The following PPIL4 variants were observed in gnomAD, a reference collection of about 807,000 sequenced individuals.
PPIL4 encodes the protein peptidylprolyl isomerase like 4, also known as peptidyl-prolyl cis-trans isomerase-like 4.
PPIL4 carries 50 observed loss-of-function variants against 69.1 expected under a neutral mutation model. The observed-to-expected ratio is 0.72, with a 90% CI of 0.58 to 0.92. The LOEUF (loss-of-function observed/expected upper bound fraction) is 0.92, where lower values mean the gene tolerates loss of function less well. PPIL4 is among the 40% of genes least tolerant of loss of function. PPIL4 has a pLI of 0.00. For synonymous variants in PPIL4, 193 were observed against 191.6 expected (o/e 1.01, Z -0.06); for missense variants, 480 against 587.9 (o/e 0.82, Z 1.90).
At position 149,505,695 on chromosome 6, in the gene PPIL4, T is replaced by C. The variant is rs1442396700; in HGVS notation, c.1237A>G (p.Arg413Gly). The C allele has an allele frequency of 3.7e-6, 6 of 1,612,572 alleles. No homozygotes were observed. The highest frequency in any genetic ancestry group is 5.1e-6 in the Non-Finnish European group (6 of 1,179,070). The change falls in exon 13 of 13, where the codon AGA (arginine) becomes GGA (glycine). Residue 413 changes from arginine to glycine, a missense_variant. Transcript: ENST00000253329. ...PIKNTNQDIYREMGFGHYEEE... is the reference protein window; with the variant it reads ...PIKNTNQDIYGEMGFGHYEEE... ...TCATAGTGACCAAACCCCATTTCTC[T>C]ATAGATATCCTGTCAAAGGAAGGGG...
Position 149,534,808 on chromosome 6 carries a change from T to C in PPIL4, c.465-34A>G, listed in dbSNP as rs536981821. 1.4e-5 allele frequency: 17 copies of C among 1,194,050 alleles called. No individual in the cohort carries two copies. The Middle Eastern group carries it at 1.4e-3, about 99-fold the overall frequency. 74.0% of individuals were successfully genotyped at this position (1,194,050 alleles called of 1,614,324 possible). ...ATAAATCCAAATCAAATGTTATACA[T>C]TGAAGTTATTTCAGAATCCTATTTT... On this transcript the variant is annotated intron_variant, in intron 5 of 12. Coordinates refer to ENST00000253329, the MANE Select transcript of PPIL4 (RefSeq NM_139126.4).
In PPIL4 at chr6:149,505,483, G is replaced by C; in HGVS notation, c.1449C>G (p.Ser483=). 6.2e-7 allele frequency: 1 copy of C among 1,612,472 alleles called. No homozygotes were observed. The highest frequency in any genetic ancestry group is 8.5e-7 in the Non-Finnish European group (1 of 1,179,548). Reference sequence around the variant, plus strand: ...TATACTTAGATTTTTCTTTATCTTTGGACTTCTTTGGACTTCTGCTTCGGT... The same window carrying C: ...TATACTTAGATTTTTCTTTATCTTTCGACTTCTTTGGACTTCTGCTTCGGT... ...KRDRSRSPKK[S]KDKEKSKYR Residue 483 remains serine, a synonymous_variant, in exon 13 of 13, where the codon TCC becomes TCG. Transcript: ENST00000253329.
chr6:149,539,770 C>A (rs1777332927), intron 4 of PPIL4, among the ~76,000 whole-genome samples: 1 of 152,158 alleles, frequency 6.6e-6, no homozygotes, highest in African/African-American at 2.4e-5. Flanking sequence ...CAAGGCAAGA[C>A]CCTTCACCAG....
At chr6:149,526,401 C>A (rs1409069245) in intron 8 of PPIL4, among the ~76,000 whole-genome samples, 1 of 152,110 alleles carries the variant, frequency 6.6e-6, no homozygotes, top group Non-Finnish European at 1.5e-5. Flanking sequence ...CCATTCATTT[C>A]CTGTTTTAGG....
chr6:149,536,255 C>T (rs147534672), intron 4 of PPIL4, among the ~76,000 whole-genome samples: 9 of 152,196 alleles, frequency 5.9e-5, no homozygotes, highest in African/African-American at 1.9e-4. Context: ...CCCTATTCCC[C>T]GAGACACAAT....
intron 10 of PPIL4, 42 bp downstream of exon 10, chr6:149,521,018 A>G (rs1259972365): frequency 3.4e-6 from 4 of 1,187,432 alleles, no homozygotes; most frequent in East Asian, 2.3e-5. Context: ...ATCTCAAAAA[A>G]AAAAAAAAAG....
chr6:149,535,818 A>G, intron 4 of PPIL4, 80 bp from the exon 5 acceptor site: 3 of 987,596 alleles, frequency 3.0e-6, no homozygotes, highest in Non-Finnish European at 4.4e-6. Context: ...TGACAAAAAA[A>G]TACATGAAAG....
chr6:149,534,747 A>C lies in PPIL4; in HGVS notation c.492T>G (p.Asp164Glu). ...ATAAATCAGGAGGGTCATCAAATGG[A>C]TCATCTAAAATCACCGTATGATTTA... The part of the protein sequence containing the change: ...IRINHTVILD[D>E]PFDDPPDLLI... Residue 164 changes from aspartate (D) to glutamate (E), a missense_variant, in exon 6 of 13, where the codon GAT becomes GAG. Asp to Glu is a conservative substitution (Grantham distance 45). Transcript: ENST00000253329. 6.3e-7 allele frequency: 1 copy of C among 1,583,414 alleles called. No individual in the cohort carries two copies. Among genetic ancestry groups the C allele is most frequent in the South Asian group, 1.1e-5 (1 of 88,898 alleles).
intron 11 of PPIL4, among the ~76,000 whole-genome samples, chr6:149,515,456 G>T (rs910970139): frequency 6.6e-6 from 1 of 151,960 alleles, no homozygotes; most frequent in Non-Finnish European, 1.5e-5. Flanking sequence ...CAGTGTTGAG[G>T]GTATTCTCTA....
At chr6:149,539,216 G>A (rs997555434) in intron 4 of PPIL4, among the ~76,000 whole-genome samples, 2 of 152,162 alleles carry the variant, frequency 1.3e-5, no homozygotes, top group Non-Finnish European at 2.9e-5. Flanking sequence ...GACAACAAAA[G>A]GTTTAGGATA....
intron 7 of PPIL4, among the ~76,000 whole-genome samples, chr6:149,532,407 T>C (rs1222314347): frequency 1.3e-5 from 2 of 152,222 alleles, no homozygotes; most frequent in Non-Finnish European, 2.9e-5. Context: ...TTATTCTTTC[T>C]GCCCAATTGT....
intron 10 of PPIL4, among the ~76,000 whole-genome samples, chr6:149,518,367 C>A (rs992332675): frequency 6.6e-6 from 1 of 152,128 alleles, no homozygotes; most frequent in African/African-American, 2.4e-5. Flanking sequence ...CTGTTGACTG[C>A]CCTGCCTTTC....
chr6:149,535,194 A>C (rs1370431401), intron 5 of PPIL4, among the ~76,000 whole-genome samples: 1 of 152,120 alleles, frequency 6.6e-6, no homozygotes, highest in African/African-American at 2.4e-5. Context: ...GTCTCTACTA[A>C]AAATACAAAA....
intron 10 of PPIL4, 32 bp downstream of exon 10, chr6:149,521,026 AAG>A: frequency 3.3e-6 from 4 of 1,227,862 alleles, no homozygotes; most frequent in Non-Finnish European, 3.5e-6. Flanking sequence ...AAAAAAAAAA[AAG>A]CAGAACAAAA....
In PPIL4 at chr6:149,541,078, T is replaced by A. The variant is rs748525606; in HGVS notation, c.204-19A>T. The A allele has an allele frequency of 3.4e-5, 48 of 1,414,870 alleles. No homozygotes were observed. The highest frequency in any genetic ancestry group is 4.3e-5 in the Non-Finnish European group (43 of 1,002,736). 87.6% of individuals were successfully genotyped at this position (1,414,870 alleles called of 1,614,324 possible). ...CAGTTGGCTGAAAAAACATATAAGG[T>A]TATAAATGTAAGTACTCTCAAAATG... On this transcript the variant is annotated intron_variant, in intron 3 of 12. Transcript: ENST00000253329.
intron 4 of PPIL4, among the ~76,000 whole-genome samples, chr6:149,537,039 T>C (rs1338195775): frequency 2.0e-5 from 3 of 151,720 alleles, no homozygotes; most frequent in Non-Finnish European, 4.4e-5. Flanking sequence ...GGCAGGAGAA[T>C]TGCTTGAACC....
At chr6:149,520,739 C>A (rs999122847) in intron 10 of PPIL4, among the ~76,000 whole-genome samples, 1 of 152,110 alleles carries the variant, frequency 6.6e-6, no homozygotes, top group Non-Finnish European at 1.5e-5. Context: ...CAAGGCCGGG[C>A]GCAGTGGCTC....
Position 149,533,541 on chromosome 6 carries a change from C to T in PPIL4, c.595G>A (p.Asp199Asn), listed in dbSNP as rs200795369. 6.2e-7 allele frequency: 1 copy of T among 1,611,918 alleles called. No individual in the cohort carries two copies. Among genetic ancestry groups the T allele is most frequent in the East Asian group, 2.2e-5 (1 of 44,732 alleles). Residue 199 changes from aspartate to asparagine, a missense_variant, in exon 7 of 13, where the codon GAT becomes AAT. By Grantham distance (23) the Asp-to-Asn change is conservative (BLOSUM62 1). Coordinates refer to ENST00000253329, the MANE Select transcript of PPIL4 (RefSeq NM_139126.4). Reference protein sequence around the residue: ...GRIGADEEIDDFKGRSAEEVE... With the variant: ...GRIGADEEIDNFKGRSAEEVE... The stretch of plus-strand genomic sequence containing the variant: ...TCCTCAGCTGATCTTCCTTTGAAAT[C>T]ATCAATTTCTTCATCTGCTCCTATT...
chr6:149,508,326 A>AT (rs1386828220), intron 12 of PPIL4, among the ~76,000 whole-genome samples: 1 of 152,216 alleles, frequency 6.6e-6, no homozygotes, highest in Non-Finnish European at 1.5e-5. Context: ...AGATAAATGA[A>AT]TTAGATAAGG....
Sources: gnomAD v4.1 joint callset for allele counts (sites outside exome capture counted in the v4.1 genomes callset) on GRCh38, gnomAD v4.1.1 for gene constraint, MANE v1.5 for transcripts, NCBI Gene and HGNC (gene_info 2026-07-23, HGNC 2026-07-21) for gene names.